SEMA4G: variants seen among roughly 807,000 people sequenced by gnomAD.
The protein encoded by SEMA4G is semaphorin-4G.
Under a neutral mutation model 81.2 loss-of-function variants are expected in SEMA4G, and 59 were observed. The ratio of observed to expected loss-of-function variants is 0.73; its 90% CI spans 0.59 to 0.90. SEMA4G has a LOEUF of 0.90. Among genes scored for constraint, SEMA4G ranks in the 40% least tolerant of loss-of-function variants. The pLI is 0.00. For synonymous variants in SEMA4G, 404 were observed against 433.9 expected (o/e 0.93, Z 0.86); for missense variants, 952 against 1,102.3 (o/e 0.86, Z 1.93).
chr10:100,977,994 AGG>A (rs938983852), intron 4 of SEMA4G: 2 of 568,058 alleles, frequency 3.5e-6, no homozygotes, highest in African/African-American at 3.8e-5. Context: ...CCCAAAACAA[AGG>A]GCCTTGATCC....
chr10:100,975,160 C>T, intron 3 of SEMA4G: 1 of 431,988 alleles, frequency 2.3e-6, no homozygotes, highest in South Asian at 1.8e-5. Context: ...GGGTTTTATT[C>T]TGTGACAGTG....
Position 100,980,165 on chromosome 10 carries a change from AAGACTTG to A in SEMA4G, c.1173_1179del (p.Gln391HisfsTer9), listed in dbSNP as rs1564796818. The A allele has an allele frequency of 6.2e-7, 1 of 1,614,196 alleles. No individual in the cohort carries two copies. ...CGCAGCCAAGGCTACAATTCATCCC[AAGACTTG>A]CCATCCCTGGTCCTGGACTTTGTAA... On this transcript the variant is annotated frameshift_variant, in exon 10 of 14. Transcript: ENST00000370250. LOFTEE classifies it high-confidence loss of function.
chr10:100,977,996 G>A, intron 4 of SEMA4G: 1 of 569,676 alleles, frequency 1.8e-6, no homozygotes, highest in Non-Finnish European at 3.1e-6. Context: ...CAAAACAAAG[G>A]GCCTTGATCC....
At chr10:100,984,883 C>G, downstream of SEMA4G, 1 of 1,475,798 alleles carries the variant, frequency 6.8e-7, no homozygotes, top group African/African-American at 1.4e-5. Flanking sequence ...TGGTCATTCT[C>G]AAGAGTATGA....
exon 14 of SEMA4G, chr10:100,984,554 T>C (rs1381487456): frequency 6.5e-7 from 1 of 1,536,200 alleles, no homozygotes; most frequent in Non-Finnish European, 8.7e-7. Flanking sequence ...GTGTGCTGGA[T>C]GGTCCTGAAA....
chr10:100,982,584 G>T (rs1023833218), intron 13 of SEMA4G, among the ~76,000 whole-genome samples: 8 of 152,224 alleles, frequency 5.3e-5, no homozygotes, highest in Admixed American at 1.3e-4. Context: ...TTGAGGTCAG[G>T]AGTTCGAGAC....
exon 14 of SEMA4G, chr10:100,984,240 C>T (rs962032640): frequency 1.4e-6 from 2 of 1,455,468 alleles, no homozygotes; most frequent in Non-Finnish European, 1.8e-6. Flanking sequence ...ACTCCATACC[C>T]TTCTCCCAAC....
exon 12 of SEMA4G, chr10:100,980,869 C>A (rs200695967): frequency 2.5e-6 from 4 of 1,608,708 alleles, no homozygotes; most frequent in Non-Finnish European, 3.4e-6. Flanking sequence ...AGCTACCACT[C>A]TCCAGCTGCT....
rs747495170 is a variant in SEMA4G at position 100,978,649 on chromosome 10, G to A, written c.643+9G>A. 1 of 1,610,914 alleles carries A rather than the reference G, an allele frequency of 6.2e-7. No individual in the cohort carries two copies. Among genetic ancestry groups the A allele is most frequent in the Non-Finnish European group, 8.5e-7 (1 of 1,177,132 alleles). ...AATGCATTGGCTCAATGGTTAGGAG[G>A]ATGAGGCACAGGATGATGGGGGGTA... On this transcript the variant is annotated intron_variant, in intron 6 of 13. Coordinates refer to ENST00000370250, the Ensembl canonical transcript of SEMA4G.
At chr10:100,970,872 C>G (rs142914990), upstream of SEMA4G, among the ~76,000 whole-genome samples, 17 of 152,278 alleles carry the variant, frequency 1.1e-4, no homozygotes, top group African/African-American at 4.1e-4. Flanking sequence ...GTATAGGACC[C>G]TCCTGTTGAA....
intron 5 of SEMA4G, 49 bp from the exon 7 acceptor site, chr10:100,978,478 C>T: frequency 1.9e-6 from 3 of 1,595,448 alleles, no homozygotes; most frequent in Non-Finnish European, 2.6e-6. Flanking sequence ...ATGTCATGTG[C>T]CCTGTTGAAT....
chr10:100,979,008 G>C, exon 7 of SEMA4G: 1 of 1,614,018 alleles, frequency 6.2e-7, no homozygotes, highest in Non-Finnish European at 8.5e-7. Flanking sequence ...CGTGTGGCTC[G>C]TGTCTGCAAG....
intron 13 of SEMA4G, chr10:100,981,515 C>A: frequency 6.2e-7 from 1 of 1,614,096 alleles, no homozygotes; most frequent in South Asian, 1.1e-5. Flanking sequence ...GGTATTTCCC[C>A]AAGGAAGATC....
chr10:100,978,614 A>G, exon 6 of SEMA4G: 1 of 1,614,032 alleles, frequency 6.2e-7, no homozygotes, highest in Non-Finnish European at 8.5e-7. Flanking sequence ...CTGAGAACTG[A>G]GGAGACACCA....
Position 100,979,958 on chromosome 10 carries a change from A to G in SEMA4G, c.1094A>G (p.Tyr365Cys), listed in dbSNP as rs752375155. ...GATGGTTCCCGGCGCTGGGGTCGCT[A>G]TGAGGGTGGGGTGCCTGAGCCCCGG... The change falls in exon 9 of 14, where the codon TAT becomes TGT. Residue 365 changes from tyrosine to cysteine, a missense_variant. Around this residue, in one of 3 missense-constraint regions of SEMA4G, gnomAD observed 436 missense variants for 488.2 expected, o/e 0.89. Coordinates refer to ENST00000370250, the Ensembl canonical transcript of SEMA4G. The G allele has an allele frequency of 3.1e-6, 5 of 1,614,046 alleles. No individual in the cohort carries two copies. In the Admixed American group the frequency reaches 5.0e-5, roughly 16 times the overall value.
At chr10:100,972,511 T>TC (rs1317625534), upstream of SEMA4G, 1 of 181,126 alleles carries the variant, frequency 5.5e-6, no homozygotes, top group Non-Finnish European at 1.1e-5. Flanking sequence ...GGCTTTTTTT[T>TC]CCCCGTTTTT....
At chr10:100,982,048 A>C in intron 13 of SEMA4G, among the ~76,000 whole-genome samples, 1 of 129,894 alleles carries the variant, frequency 7.7e-6, no homozygotes, top group African/African-American at 3.0e-5. Context: ...ACAGAGTGAG[A>C]CCTCATCTCA....
intron 13 of SEMA4G, 47 bp from the exon 15 acceptor site, chr10:100,983,258 C>G: frequency 6.8e-7 from 1 of 1,470,478 alleles, no homozygotes; most frequent in South Asian, 1.4e-5. Flanking sequence ...CATCTCTAAT[C>G]CCTTCCTGGG....
intron 3 of SEMA4G, among the ~76,000 whole-genome samples, chr10:100,975,330 C>A (rs1177471875): frequency 6.6e-6 from 1 of 152,174 alleles, no homozygotes; most frequent in Non-Finnish European, 1.5e-5. Context: ...GTCCCCAGAC[C>A]ACACTTTGGA....
Sources: gnomAD v4.1 joint callset for allele counts (sites outside exome capture counted in the v4.1 genomes callset) on GRCh38, gnomAD v4.1.1 for gene constraint, gnomAD v4.1.1 regional missense constraint, MANE v1.5 for transcripts, NCBI Gene and HGNC (gene_info 2026-07-23, HGNC 2026-07-21) for gene names.